ACMSD: variants seen among roughly 807,000 people sequenced by gnomAD.
ACMSD encodes the protein aminocarboxymuconate semialdehyde decarboxylase, also known as 2-amino-3-carboxymuconate-6-semialdehyde decarboxylase.
Under a neutral mutation model 45.9 loss-of-function variants are expected in ACMSD, and 37 were observed. The observed-to-expected ratio is 0.81, with a 90% CI of 0.62 to 1.06. The LOEUF (loss-of-function observed/expected upper bound fraction) is 1.06. Ranked by LOEUF, ACMSD falls within the 50% of genes least tolerant of loss-of-function variation. The pLI, the probability that ACMSD is intolerant of heterozygous loss-of-function variation, is 0.00. For missense variants in ACMSD, 434 were observed against 420.9 expected (o/e 1.03, Z -0.27); for synonymous variants, 138 against 148.8 (o/e 0.93, Z 0.53).
At chr2:134,900,154 T>C (rs1439011299) in intron 9 of ACMSD, among the ~76,000 whole-genome samples, 3 of 152,196 alleles carry the variant, frequency 2.0e-5, no homozygotes, top group Non-Finnish European at 2.9e-5. Context: ...TCCCCCCTTA[T>C]CCTCAGTTTT....
chr2:134,846,583 A>AT (rs1184423522), intron 2 of ACMSD, among the ~76,000 whole-genome samples: 3 of 151,730 alleles, frequency 2.0e-5, no homozygotes, highest in Non-Finnish European at 4.4e-5. Context: ...ATTTTATTTT[A>AT]TTTTTTAGAC....
intron 9 of ACMSD, among the ~76,000 whole-genome samples, chr2:134,901,136 C>A (rs1434000189): frequency 1.3e-5 from 2 of 152,118 alleles, no homozygotes; most frequent in African/African-American, 4.8e-5. Flanking sequence ...GTCACACAAC[C>A]CCATATATTT....
At chr2:134,899,209 T>A (rs1690355787) in intron 9 of ACMSD, among the ~76,000 whole-genome samples, 1 of 152,154 alleles carries the variant, frequency 6.6e-6, no homozygotes, top group Non-Finnish European at 1.5e-5. Flanking sequence ...AATCCAAAAG[T>A]TACCTTGAAC....
In ACMSD at chr2:134,898,917, T is replaced by C. The variant is rs566624923; in HGVS notation, c.948+478T>C. On this transcript the variant is annotated intron_variant, in intron 9 of 9. Coordinates refer to ENST00000356140, the MANE Select transcript of ACMSD (RefSeq NM_138326.3). ...TTAAGGCAGGTAAATGATACTAATA[T>C]GTGCTATAATGCTACCATTACCTAG... 4.6e-5 allele frequency among the ~76,000 whole-genome samples: 7 copies of C among 152,152 alleles called. No homozygotes were observed. The East Asian group carries it at 1.3e-3, about 29-fold the overall frequency.
chr2:134,870,809 C>G (rs1688395564), intron 6 of ACMSD, among the ~76,000 whole-genome samples, 156 bp from the exon 7 acceptor site: 1 of 152,156 alleles, frequency 6.6e-6, no homozygotes, highest in South Asian at 2.1e-4. Context: ...CGTGGTTCTC[C>G]TTGCCAAAGT....
In ACMSD at chr2:134,860,671, G is replaced by T. The variant is rs575133133; in HGVS notation, c.200-1298G>T. Among the ~76,000 whole-genome samples the T allele has an allele frequency of 2.2e-4, 34 of 152,150 alleles. 1 individual carries two copies. The South Asian group carries it at 6.9e-3, about 31-fold the overall frequency. On this transcript the variant is annotated intron_variant, in intron 3 of 9. Coordinates refer to ENST00000356140, the MANE Select transcript of ACMSD (RefSeq NM_138326.3). ...AAAGTGAGTAGGTGGTCTCCAGCAT[G>T]TTGGAATTTGTTGTAGATACCTTTG...
At chr2:134,875,839 C>G (rs973335860) in intron 8 of ACMSD, among the ~76,000 whole-genome samples, 2 of 152,156 alleles carry the variant, frequency 1.3e-5, no homozygotes, top group Non-Finnish European at 2.9e-5. Context: ...GAGATATGTT[C>G]TGAGAAATGC....
At chr2:134,849,506 G>A (rs957144651) in intron 2 of ACMSD, among the ~76,000 whole-genome samples, 1 of 152,186 alleles carries the variant, frequency 6.6e-6, no homozygotes, top group East Asian at 1.9e-4. Flanking sequence ...CAGGATTTGG[G>A]ATTTGAAAAT....
At chr2:134,894,126 TATAAA>T (rs1689955503) in intron 8 of ACMSD, among the ~76,000 whole-genome samples, 1 of 151,864 alleles carries the variant, frequency 6.6e-6, no homozygotes, top group Admixed American at 6.6e-5. Flanking sequence ...TTAGAGCAGA[TATAAA>T]AGAAATAGAT....
chr2:134,882,337 T>TCTA (rs1689084776), intron 8 of ACMSD, among the ~76,000 whole-genome samples: 1 of 152,192 alleles, frequency 6.6e-6, no homozygotes, highest in African/African-American at 2.4e-5. Context: ...AAGTCCTGGC[T>TCTA]CTACTACTAG....
chr2:134,885,267 A>AT (rs1573703131), intron 8 of ACMSD, among the ~76,000 whole-genome samples: 1 of 85,684 alleles, frequency 1.2e-5, no homozygotes, highest in Non-Finnish European at 2.0e-5. Flanking sequence ...ATATATATAT[A>AT]AATATATATA....
intron 8 of ACMSD, among the ~76,000 whole-genome samples, chr2:134,885,381 T>C (rs1439685016): frequency 2.9e-5 from 3 of 103,800 alleles, no homozygotes; most frequent in Non-Finnish European, 5.4e-5. Flanking sequence ...ATATATAATA[T>C]ATATGTAAAT....
At position 134,838,639 on chromosome 2, in the gene ACMSD, A is replaced by G. The variant is rs2104798424; in HGVS notation, c.-44A>G. 1 of 1,537,634 alleles carries G rather than the reference A, an allele frequency of 6.5e-7. No individual in the cohort carries two copies. The highest frequency in any genetic ancestry group is 1.2e-5 in the South Asian group (1 of 86,524). The stretch of plus-strand genomic sequence containing the variant: ...CCACAGTTTTCACAAAGGTCTCTTG[A>G]TATCAAAACTTCTTTCCTTGCATGC... On this transcript the variant is annotated 5_prime_UTR_variant, in exon 1 of 10. Coordinates refer to ENST00000356140, the MANE Select transcript of ACMSD (RefSeq NM_138326.3).
In ACMSD at chr2:134,863,112, T is replaced by C. The variant is rs1260522259; in HGVS notation, c.250-283T>C. 3.3e-6 allele frequency: 3 copies of C among 907,260 alleles called. No homozygotes were observed. The African/African-American group carries it at 5.4e-5, about 16-fold the overall frequency. 56.2% of individuals were successfully genotyped at this position (907,260 alleles called of 1,614,324 possible). A position where few individuals can be genotyped will look rare whatever the true frequency, so the allele number is the denominator to read the frequency against. ...CAGTGGCCCATGCTCATTCCATCTC[T>C]AGTGTTGGGATACCATGCCAGTAAT... On this transcript the variant is annotated intron_variant, in intron 4 of 9. Transcript: ENST00000356140.
At chr2:134,884,920 G>A (rs533310581) in intron 8 of ACMSD, among the ~76,000 whole-genome samples, 5 of 151,988 alleles carry the variant, frequency 3.3e-5, no homozygotes, top group South Asian at 2.1e-4. Flanking sequence ...CCTAGGCCAG[G>A]CACAGTGGCT....
chr2:134,860,467 T>C (rs1164784702), intron 3 of ACMSD, among the ~76,000 whole-genome samples: 1 of 152,054 alleles, frequency 6.6e-6, no homozygotes, highest in African/African-American at 2.4e-5. Context: ...GAACTAAGTG[T>C]TTACATTGGT....
chr2:134,871,181 A>G (rs1688417775), intron 7 of ACMSD, 121 bp downstream of exon 7: 1 of 865,348 alleles, frequency 1.2e-6, no homozygotes, highest in Non-Finnish European at 1.8e-6. Context: ...TCCAAGATCA[A>G]GGTGCTGGCA....
chr2:134,861,928 T>C (rs1169047639), intron 3 of ACMSD, 41 bp from the exon 4 acceptor site: 3 of 1,612,934 alleles, frequency 1.9e-6, no homozygotes, highest in Admixed American at 1.7e-5. Context: ...GCCCAGCCTA[T>C]TCTTCTCACC....
intron 2 of ACMSD, among the ~76,000 whole-genome samples, chr2:134,849,244 G>C (rs1227894220): frequency 1.4e-5 from 2 of 144,600 alleles, no homozygotes; most frequent in Non-Finnish European, 3.0e-5. Flanking sequence ...AAAACAAAAA[G>C]GAAATATTTT....
Sources: allele counts gnomAD v4.1 joint callset (sites outside exome capture counted in the v4.1 genomes callset), GRCh38; gene constraint gnomAD v4.1.1; transcripts MANE v1.5; gene names NCBI Gene and HGNC (gene_info 2026-07-23, HGNC 2026-07-21).